The following ZEB1 variants were observed in gnomAD, a reference collection of about 807,000 sequenced individuals.
ZEB1 encodes zinc finger E-box-binding homeobox 1.
In ZEB1, 21 loss-of-function variants were observed where a neutral mutation model predicts 84.9. The ratio of observed to expected loss-of-function variants is 0.25; its 90% CI spans 0.18 to 0.36. ZEB1 has a LOEUF of 0.36. Ranked by LOEUF, ZEB1 falls within the 10% of genes least tolerant of loss-of-function variation. ZEB1 has a pLI of 1.00. For synonymous variants in ZEB1, 420 were observed against 471.1 expected (o/e 0.89, Z 1.41); for missense variants, 1,104 against 1,330.2 (o/e 0.83, Z 2.65).
At chr10:31,363,558 G>T (rs2043792801) in intron 1 of ZEB1, 1 of 1,527,610 alleles carries the variant, frequency 6.5e-7, no homozygotes, top group African/African-American at 1.4e-5. Flanking sequence ...TCTCTACCTG[G>T]TCTTTCACCT....
intron 1 of ZEB1, among the ~76,000 whole-genome samples, chr10:31,446,171 C>T (rs539203419): frequency 5.9e-5 from 9 of 152,156 alleles, no homozygotes; most frequent in Admixed American, 5.9e-4. Context: ...AGGAATGTAT[C>T]CATCTCTCCT....
intron 1 of ZEB1, among the ~76,000 whole-genome samples, chr10:31,393,606 A>G (rs927124194): frequency 2.6e-5 from 4 of 152,192 alleles, no homozygotes; most frequent in African/African-American, 9.6e-5. Context: ...ACCTCACTCA[A>G]TTCATTAAAA....
At chr10:31,442,160 A>G (rs1042702038) in intron 1 of ZEB1, among the ~76,000 whole-genome samples, 4 of 152,348 alleles carry the variant, frequency 2.6e-5, no homozygotes, top group Admixed American at 6.5e-5. Context: ...AACCAACCCA[A>G]ATGTCCATCA....
chr10:31,378,009 A>G (rs1304665492), intron 1 of ZEB1, among the ~76,000 whole-genome samples: 1 of 151,100 alleles, frequency 6.6e-6, no homozygotes, highest in African/African-American at 2.4e-5. Flanking sequence ...AGCACAATAC[A>G]TATATCATAC....
chr10:31,380,565 C>T (rs1439057895), intron 1 of ZEB1, among the ~76,000 whole-genome samples: 1 of 152,102 alleles, frequency 6.6e-6, no homozygotes, highest in Non-Finnish European at 1.5e-5. Context: ...TTCTCCAAAT[C>T]AATTCTGTCA....
intron 1 of ZEB1, among the ~76,000 whole-genome samples, chr10:31,450,889 T>TGTGTGTGC (rs1298119947): frequency 2.0e-5 from 3 of 151,970 alleles, no homozygotes; most frequent in Admixed American, 6.6e-5. Context: ...TGTGTGTGTG[T>TGTGTGTGC]GCGTGCGTGC....
intron 1 of ZEB1, among the ~76,000 whole-genome samples, chr10:31,442,196 G>A (rs2059093982): frequency 6.6e-6 from 1 of 152,110 alleles, no homozygotes; most frequent in Admixed American, 6.5e-5. Context: ...AAGAAAAGGT[G>A]GCACATATAC....
At chr10:31,344,359 A>G (rs1590130645) in intron 1 of ZEB1, among the ~76,000 whole-genome samples, 1 of 152,168 alleles carries the variant, frequency 6.6e-6, no homozygotes, top group Middle Eastern at 3.4e-3. Flanking sequence ...GGTAATTTTG[A>G]CAATTTGTCA....
chr10:31,523,844 A>T, intron 7 of ZEB1, 89 bp from the exon 8 acceptor site: 1 of 1,428,488 alleles, frequency 7.0e-7, no homozygotes, highest in Non-Finnish European at 9.7e-7. Flanking sequence ...AGTATAAGTT[A>T]AAGTAGTTCT....
chr10:31,349,261 TG>T (rs1475195887), intron 1 of ZEB1, among the ~76,000 whole-genome samples: 1 of 152,242 alleles, frequency 6.6e-6, no homozygotes, highest in Non-Finnish European at 1.5e-5. Context: ...TTCTTCTCTT[TG>T]AAGGAAGAAT....
chr10:31,441,612 G>A (rs2058998270), intron 1 of ZEB1, among the ~76,000 whole-genome samples: 1 of 152,080 alleles, frequency 6.6e-6, no homozygotes, highest in South Asian at 2.1e-4. Context: ...CCATCAGAGT[G>A]AACAGGCAAC....
At chr10:31,467,891 G>T (rs1170874232) in intron 2 of ZEB1, among the ~76,000 whole-genome samples, 1 of 152,142 alleles carries the variant, frequency 6.6e-6, no homozygotes, top group African/African-American at 2.4e-5. Context: ...GCCTGGGATG[G>T]CATGGCAGTC....
At chr10:31,338,255 TTATC>T (rs1448307105) in intron 1 of ZEB1, among the ~76,000 whole-genome samples, 1 of 152,366 alleles carries the variant, frequency 6.6e-6, no homozygotes, top group Non-Finnish European at 1.5e-5. Context: ...TTTATTTTGT[TTATC>T]AAACAATAGC....
At chr10:31,473,723 T>C (rs1227049916) in intron 2 of ZEB1, among the ~76,000 whole-genome samples, 1 of 150,028 alleles carries the variant, frequency 6.7e-6, no homozygotes, top group Non-Finnish European at 1.5e-5. Context: ...AAAGTTCATA[T>C]GGAACCAAAA....
At chr10:31,319,530 C>T (rs966838273) in intron 1 of ZEB1, 11 of 534,956 alleles carry the variant, frequency 2.1e-5, no homozygotes, top group Non-Finnish European at 3.6e-5. Flanking sequence ...CTCTCTCCGC[C>T]TAGCGGCTCC....
Position 31,527,084 on chromosome 10 carries a change from G to C in ZEB1, c.3198G>C (p.Glu1066Asp). 6.6e-7 allele frequency: 1 copy of C among 1,515,742 alleles called. No individual in the cohort carries two copies. The highest frequency in any genetic ancestry group is 9.1e-7 in the Non-Finnish European group (1 of 1,100,908). The allele number at this position is 1,515,742 out of a possible 1,614,324, so 93.9% of individuals were successfully genotyped here. A position where few individuals can be genotyped will look rare whatever the true frequency, so the allele number is the denominator to read the frequency against. ...ECEKPQGDEE[E>D]EEEEEEVEEE... is the part of the protein sequence containing the mutation. ...AAAAACCACAAGGGGATGAGGAAGA[G>C]GAGGAGGAGGAGGAAGAAGTGGAAG... is the stretch of plus-strand genomic sequence containing the variant. Residue 1066 changes from glutamate (E) to aspartate (D), a missense_variant, in exon 9 of 9, where the codon GAG (glutamate) becomes GAC (aspartate). Physicochemically the swap from Glu to Asp is conservative, Grantham distance 45 (BLOSUM62 2). Coordinates refer to ENST00000424869, the MANE Select transcript of ZEB1 (RefSeq NM_001174096.2).
intron 1 of ZEB1, among the ~76,000 whole-genome samples, chr10:31,337,683 G>GTTTTTTTTTTTTTTTTTT (rs756379165): frequency 4.0e-5 from 4 of 98,842 alleles, no homozygotes; most frequent in African/African-American, 8.7e-5. Flanking sequence ...ATTTCTTTCT[G>GTTTTTTTTTTTTTTTTTT]TTTTTTTTTT....
chr10:31,469,096 G>C (rs905459054), intron 2 of ZEB1, among the ~76,000 whole-genome samples: 1 of 152,128 alleles, frequency 6.6e-6, no homozygotes, highest in Non-Finnish European at 1.5e-5. Context: ...ATCTGAAAAT[G>C]ATAAATTTGC....
intron 1 of ZEB1, among the ~76,000 whole-genome samples, chr10:31,396,048 A>G (rs937255886): frequency 1.3e-5 from 2 of 152,224 alleles, no homozygotes; most frequent in African/African-American, 4.8e-5. Context: ...AATTTTAAAA[A>G]TTAAATGCTC....
Sources: allele counts gnomAD v4.1 joint callset (sites outside exome capture counted in the v4.1 genomes callset), GRCh38; gene constraint gnomAD v4.1.1; transcripts MANE v1.5; gene names NCBI Gene and HGNC (gene_info 2026-07-23, HGNC 2026-07-21).